The following PDZD9 variants were observed in gnomAD, a reference collection of about 807,000 sequenced individuals.
PDZD9 encodes PDZ domain-containing protein 9.
A neutral mutation model predicts 16.3 loss-of-function variants in PDZD9; 13 were observed. The observed-to-expected ratio is 0.80, with a 90% confidence interval of 0.52 to 1.27. The LOEUF is 1.27. PDZD9 is among the 50% of genes most tolerant of loss of function. The pLI is 0.00. For synonymous variants in PDZD9, 120 were observed against 111.0 expected (o/e 1.08, Z -0.51); for missense variants, 288 against 310.9 (o/e 0.93, Z 0.55).
At chr16:21,960,572 C>T in the PDZD9 span, among the ~76,000 whole-genome samples, 2 of 152,174 alleles carry the variant, frequency 1.3e-5, no homozygotes, top group African/African-American at 4.8e-5. Context: ...TGCAAGAGGC[C>T]TAGCTTTTGA....
At chr16:21,990,863 C>T (rs1899005118) in intron 2 of PDZD9, among the ~76,000 whole-genome samples, 1 of 152,182 alleles carries the variant, frequency 6.6e-6, no homozygotes, top group African/African-American at 2.4e-5. Context: ...TGTGATTACT[C>T]TAGCAATAGA....
At chr16:21,985,661 T>TCTA (rs1898860305) in intron 3 of PDZD9, among the ~76,000 whole-genome samples, 1 of 152,220 alleles carries the variant, frequency 6.6e-6, no homozygotes, top group Non-Finnish European at 1.5e-5. Context: ...TAGATCTTTG[T>TCTA]GATTACAAAT....
chr16:21,958,517 C>T, the PDZD9 span: 1 of 1,610,378 alleles, frequency 6.2e-7, no homozygotes, highest in Non-Finnish European at 8.5e-7. Context: ...CAAAGATAAT[C>T]ATTCTTTCTT....
chr16:21,996,429 A>G lies in PDZD9; in HGVS notation c.104T>C (p.Val35Ala), dbSNP rs1899153020. 7.2e-6 allele frequency: 11 copies of G among 1,536,094 alleles called. No individual in the cohort carries two copies. The highest frequency in any genetic ancestry group is 2.4e-5 in the East Asian group (1 of 40,920). The change falls in exon 2 of 4, where the codon GTG becomes GCG. Residue 35 changes from valine to alanine, a missense_variant. By Grantham distance (64) the Val-to-Ala change is moderately conservative. Coordinates refer to ENST00000424898, the MANE Select transcript of PDZD9 (RefSeq NM_001363519.1). ...LSKTQQTKLT[V>A]GSLGLGLIII... is the part of the protein sequence containing the mutation. ...GATGAGGCCTAATCCCAGGCTACCC[A>G]CAGTGAGTTTGGTCTGCTGTGTTTT...
Position 21,983,912 on chromosome 16 carries a change from AAAAG to A in PDZD9, c.*351_*354del, listed in dbSNP as rs1898800356. The A allele has an allele frequency of 6.1e-6, 1 of 163,274 alleles. No homozygotes were observed. The highest frequency in any genetic ancestry group is 6.4e-5 in the Admixed American group (1 of 15,718). The allele number at this position is 163,274 out of a possible 1,614,324, so 10.1% of individuals were successfully genotyped here. On this transcript the variant is annotated 3_prime_UTR_variant, in exon 4 of 4. Coordinates refer to ENST00000424898, the MANE Select transcript of PDZD9 (RefSeq NM_001363519.1). ...TTATAGTACTTGAAGTTTACCAAAA[AAAAG>A]AGAGAAACTAAATATTTAAAGAAAA...
the PDZD9 span, among the ~76,000 whole-genome samples, chr16:21,959,983 T>C: frequency 1.3e-5 from 2 of 152,218 alleles, no homozygotes; most frequent in African/African-American, 4.8e-5. Context: ...TTACAGAGCA[T>C]AGGCAGAGTA....
chr16:21,983,156 T>G (rs201003309), downstream of PDZD9: 11 of 1,614,096 alleles, frequency 6.8e-6, no homozygotes, highest in Non-Finnish European at 9.3e-6. Context: ...ATACACCTTT[T>G]GTTGATGAGT....
the PDZD9 span, chr16:21,971,687 A>G: frequency 3.8e-4 from 572 of 1,498,164 alleles, no homozygotes; most frequent in Non-Finnish European, 4.9e-4. Context: ...TAGCATATTG[A>G]GGTGGAATAG....
chr16:21,979,595 A>G (rs1318729312), downstream of PDZD9, among the ~76,000 whole-genome samples: 2 of 152,204 alleles, frequency 1.3e-5, no homozygotes, highest in African/African-American at 4.8e-5. Flanking sequence ...AGGTACAGTA[A>G]AAATACAGCA....
intron 2 of PDZD9, among the ~76,000 whole-genome samples, chr16:21,989,428 A>G (rs934183970): frequency 6.6e-6 from 1 of 152,202 alleles, no homozygotes; most frequent in African/African-American, 2.4e-5. Context: ...GATTCTAAAA[A>G]TAGATTAGTT....
chr16:21,957,665 T>G, the PDZD9 span: 9 of 1,467,306 alleles, frequency 6.1e-6, no homozygotes, highest in Admixed American at 1.4e-4. Flanking sequence ...TTTGATTCCT[T>G]GACCTGCCAT....
chr16:21,972,079 A>G, the PDZD9 span: 2 of 1,614,114 alleles, frequency 1.2e-6, no homozygotes, highest in Middle Eastern at 1.7e-4. Context: ...ACCACCAGCC[A>G]TCTGCACCAG....
chr16:21,988,623 T>C lies in PDZD9; in HGVS notation c.380A>G (p.Glu127Gly). The change falls in exon 3 of 4, where the codon GAG becomes GGG. Residue 127 changes from glutamate (E) to glycine (G), a missense_variant. By Grantham distance (98) the Glu-to-Gly change is moderately conservative. Transcript: ENST00000424898. ...TTACCTTGTTACTGGGAATTTGGCCTCAGGGATTAAATCATATATTTCTTG... is the reference window on the plus strand; with the variant it reads ...TTACCTTGTTACTGGGAATTTGGCCCCAGGGATTAAATCATATATTTCTTG... ...EWQEIYDLIPEAKFPVTSTPK... is the reference protein window; with the variant it reads ...EWQEIYDLIPGAKFPVTSTPK... 1.2e-6 allele frequency: 2 copies of C among 1,611,190 alleles called. No individual in the cohort carries two copies. The highest frequency in any genetic ancestry group is 1.7e-6 in the Non-Finnish European group (2 of 1,178,822).
the PDZD9 span, among the ~76,000 whole-genome samples, chr16:21,965,199 A>G: frequency 6.6e-6 from 1 of 152,244 alleles, no homozygotes; most frequent in Admixed American, 6.5e-5. Flanking sequence ...AGCTGCTGCC[A>G]TGTAATCTTT....
chr16:21,966,733 G>T, the PDZD9 span, among the ~76,000 whole-genome samples: 2 of 152,144 alleles, frequency 1.3e-5, no homozygotes, highest in African/African-American at 4.8e-5. Flanking sequence ...ACTCTAATGA[G>T]TTTTGAAATT....
rs1898799781 is a variant in PDZD9, at chr16:21,983,891, AG to A, written c.*375del. On this transcript the variant is annotated 3_prime_UTR_variant, in exon 4 of 4. Transcript: ENST00000424898. ...TATGTCTCTTAGTTATTTTAATTAT[AG>A]TACTTGAAGTTTACCAAAAAAAAGA... 6.3e-6 allele frequency: 1 copy of A among 158,654 alleles called. No individual in the cohort carries two copies. The highest frequency in any genetic ancestry group is 6.4e-5 in the Admixed American group (1 of 15,610). 9.8% of individuals were successfully genotyped at this position (158,654 alleles called of 1,614,324 possible). A position where few individuals can be genotyped will look rare whatever the true frequency, so the allele number is the denominator to read the frequency against.
chr16:21,980,711 G>C (rs202062544), downstream of PDZD9: 21 of 1,611,316 alleles, frequency 1.3e-5, no homozygotes, highest in Non-Finnish European at 1.8e-5. Flanking sequence ...GTAAGTAAAT[G>C]AAAACTTAAC....
chr16:21,962,558 A>G, the PDZD9 span: 1 of 1,612,284 alleles, frequency 6.2e-7, no homozygotes, highest in Admixed American at 1.7e-5. Flanking sequence ...TTTGAAAGAA[A>G]TACTAAGCTG....
At chr16:21,962,452 C>T in the PDZD9 span, 27 of 1,613,808 alleles carry the variant, frequency 1.7e-5, no homozygotes, top group Middle Eastern at 1.6e-4. Context: ...GTTTATTTTC[C>T]GATTCAGTGT....
Sources: allele counts gnomAD v4.1 joint callset (sites outside exome capture counted in the v4.1 genomes callset), GRCh38; gene constraint gnomAD v4.1.1; transcripts MANE v1.5; gene names NCBI Gene and HGNC (gene_info 2026-07-23, HGNC 2026-07-21).